Variants in PCDHA7 observed in about 807,000 individuals in gnomAD.
PCDHA7 encodes the protein protocadherin alpha 7.
A neutral mutation model predicts 57.2 loss-of-function variants in PCDHA7; 37 were observed. The observed-to-expected ratio is 0.65, with a 90% CI of 0.50 to 0.85. PCDHA7 has a LOEUF of 0.85. PCDHA7 is among the 40% of genes least tolerant of loss of function. The pLI is 0.00. For missense variants in PCDHA7, 1,188 were observed against 1,241.8 expected, an observed-to-expected ratio of 0.96 and a Z score of 0.65; for synonymous variants, 553 against 558.8, an observed-to-expected ratio of 0.99 and a Z score of 0.15.
At chr5:140,927,130 C>T (rs1554204065) in intron 1 of PCDHA7, 6 of 1,614,032 alleles carry the variant, frequency 3.7e-6, no homozygotes, top group African/African-American at 1.3e-5. Flanking sequence ...GGTCAGAGAG[C>T]CGGCGGACCG....
chr5:140,917,260 G>A (rs2077984179), intron 1 of PCDHA7, among the ~76,000 whole-genome samples: 2 of 143,736 alleles, frequency 1.4e-5, no homozygotes, highest in South Asian at 4.4e-4. Flanking sequence ...CTCACCTGAT[G>A]TTTGGTTTTT....
At chr5:140,978,473 T>C (rs1401475037) in intron 1 of PCDHA7, among the ~76,000 whole-genome samples, 1 of 152,238 alleles carries the variant, frequency 6.6e-6, no homozygotes, top group Non-Finnish European at 1.5e-5. Flanking sequence ...TCAAATATGC[T>C]GCAGTCTGCA....
At position 140,858,191 on chromosome 5, in the gene PCDHA7, C is replaced by T. The variant is rs782250673; in HGVS notation, c.2355+21453C>T. On this transcript the variant is annotated intron_variant, in intron 1 of 3. Transcript: ENST00000525929. ...CAGCTTGCTGGTGCTCACGCTGCTG[C>T]TGTACACTGCACTGAGGTGCTCGGC... 16 of 1,597,324 alleles carry T rather than the reference C, an allele frequency of 1.0e-5. 2 individuals carry two copies. In the Admixed American group the frequency reaches 2.7e-4, roughly 27 times the overall value.
chr5:140,854,800 A>G (rs1032685213), intron 1 of PCDHA7: 4 of 149,738 alleles, frequency 2.7e-5, no homozygotes, highest in African/African-American at 9.8e-5. Flanking sequence ...GAGAGAAAAA[A>G]ATATTTTTAC....
chr5:140,935,388 T>C (rs2090344079), intron 1 of PCDHA7, among the ~76,000 whole-genome samples: 1 of 152,240 alleles, frequency 6.6e-6, no homozygotes, highest in African/African-American at 2.4e-5. Context: ...TCATTTGTTA[T>C]CCCACGGGAC....
chr5:140,867,407 T>C (rs1376336154), intron 1 of PCDHA7: 1 of 152,154 alleles, frequency 6.6e-6, no homozygotes, highest in African/African-American at 2.4e-5. Flanking sequence ...ATATGTCTCC[T>C]TTAATTTTTT....
intron 1 of PCDHA7, chr5:140,876,767 C>G (rs1462172871): frequency 6.2e-7 from 1 of 1,614,076 alleles, no homozygotes. Flanking sequence ...GATGGGGGCT[C>G]GCCTTCGCTG....
In PCDHA7 at chr5:140,933,676, AT is replaced by A. The variant is rs1400784175; in HGVS notation, c.2356-45265del. 1.4e-4 allele frequency among the ~76,000 whole-genome samples: 21 copies of A among 151,552 alleles called. 1 individual carries two copies. Among genetic ancestry groups the A allele is most frequent in the Admixed American group, 1.3e-3 (19 of 15,194 alleles). On this transcript the variant is annotated intron_variant, in intron 1 of 3. Coordinates refer to ENST00000525929, the MANE Select transcript of PCDHA7 (RefSeq NM_018910.3). Reference sequence around the variant, plus strand: ...CTGTCTCTCTCTCTGTCTCTCTCACATTTTTTTTCCTATTCCTCGGACACAT... The same window carrying A: ...CTGTCTCTCTCTCTGTCTCTCTCACATTTTTTTCCTATTCCTCGGACACAT...
At chr5:140,884,130 C>A in intron 1 of PCDHA7, 1 of 1,613,434 alleles carries the variant, frequency 6.2e-7, no homozygotes, top group South Asian at 1.1e-5. Context: ...GCGCGCATCC[C>A]GTTCCGCGTG....
Position 140,876,427 on chromosome 5 carries a change from C to T in PCDHA7, c.2355+39689C>T, listed in dbSNP as rs267600399. 4 of 1,613,798 alleles carry T rather than the reference C, an allele frequency of 2.5e-6. No homozygotes were observed. The African/African-American group carries it at 5.3e-5, about 22-fold the overall frequency. On this transcript the variant is annotated intron_variant, in intron 1 of 3. Coordinates refer to ENST00000525929, the MANE Select transcript of PCDHA7 (RefSeq NM_018910.3). ...TGAAGAGAATAATGCCTATGAAATT[C>T]AGGTTAACGCCATTGATAAAGGGAT...
chr5:140,943,823 G>A (rs1431339857), intron 1 of PCDHA7, among the ~76,000 whole-genome samples: 3 of 152,206 alleles, frequency 2.0e-5, no homozygotes, highest in African/African-American at 7.2e-5. Flanking sequence ...AAGAAAATGA[G>A]TTGATTGAAG....
intron 1 of PCDHA7, among the ~76,000 whole-genome samples, chr5:140,933,436 A>G (rs1554209364): frequency 6.6e-6 from 1 of 152,102 alleles, no homozygotes; most frequent in Non-Finnish European, 1.5e-5. Flanking sequence ...GGGGCACTCT[A>G]ATGACATACC....
intron 1 of PCDHA7, among the ~76,000 whole-genome samples, chr5:140,978,150 C>A (rs1009630892): frequency 6.6e-6 from 1 of 152,168 alleles, no homozygotes; most frequent in Non-Finnish European, 1.5e-5. Context: ...TTGTTCTCCC[C>A]CTTCAGACTG....
At chr5:140,882,556 T>A (rs367760301) in intron 1 of PCDHA7, 11 of 1,614,194 alleles carry the variant, frequency 6.8e-6, no homozygotes, top group Non-Finnish European at 9.3e-6. Flanking sequence ...AGGAGCTGTG[T>A]GGGCGGAGCG....
intron 3 of PCDHA7, among the ~76,000 whole-genome samples, chr5:140,987,400 C>T (rs1554249169): frequency 1.3e-5 from 2 of 152,090 alleles, no homozygotes; most frequent in Middle Eastern, 3.2e-3. Context: ...AGGAAGCCAT[C>T]TGTTTATGGT....
At chr5:140,867,151 A>G (rs1437256888) in intron 1 of PCDHA7, 1 of 152,150 alleles carries the variant, frequency 6.6e-6, no homozygotes, top group Non-Finnish European at 1.5e-5. Context: ...ATTTTTCCAG[A>G]GTAAACCTTC....
At chr5:140,980,515 A>G (rs779201653) in intron 2 of PCDHA7, among the ~76,000 whole-genome samples, 18 of 152,182 alleles carry the variant, frequency 1.2e-4, no homozygotes, top group Non-Finnish European at 2.5e-4. Flanking sequence ...CTGTAGTTCC[A>G]GCTACTAGGG....
At chr5:140,848,246 A>G (rs1781398365) in intron 1 of PCDHA7, 1 of 453,054 alleles carries the variant, frequency 2.2e-6, no homozygotes, top group African/African-American at 2.0e-5. Context: ...GTTTTGCAGA[A>G]TAACTGTGAA....
chr5:140,836,538 A>G lies in PCDHA7; in HGVS notation c.2155A>G (p.Thr719Ala). The G allele has an allele frequency of 6.2e-7, 1 of 1,613,734 alleles. No individual in the cohort carries two copies. The highest frequency in any genetic ancestry group is 8.5e-7 in the Non-Finnish European group (1 of 1,179,854). ...SLLVLTLLLY[T>A]ALRCSAPSSE... ...GTTGGTGCTTACCCTGCTGCTGTAC[A>G]CGGCGTTGCGGTGCTCAGCGCCGTC... Residue 719 changes from threonine to alanine, a missense_variant, in exon 1 of 4, where the codon ACG becomes GCG. Thr to Ala is a moderately conservative substitution (Grantham distance 58, BLOSUM62 0). Transcript: ENST00000525929.
Sources: gnomAD v4.1 joint callset for allele counts (sites outside exome capture counted in the v4.1 genomes callset) on GRCh38, gnomAD v4.1.1 for gene constraint, MANE v1.5 for transcripts, NCBI Gene and HGNC (gene_info 2026-07-23, HGNC 2026-07-21) for gene names.